MTMR8: variants seen among roughly 807,000 people sequenced by gnomAD.
MTMR8 encodes phosphatidylinositol-3,5-bisphosphate 3-phosphatase MTMR8.
Under a neutral mutation model 39.3 loss-of-function variants are expected in MTMR8, and 65 were observed. That is an observed-to-expected ratio of 1.65 (90% confidence interval 1.35 to 2.03). MTMR8 has a LOEUF of 2.03. Among genes scored for constraint, MTMR8 ranks in the 30% most tolerant of loss-of-function variants. The pLI, the probability that MTMR8 is intolerant of heterozygous loss-of-function variation, is 0.00. For synonymous variants in MTMR8, 245 were observed against 185.2 expected (o/e 1.32, Z -2.62); for missense variants, 777 against 538.9 (o/e 1.44, Z -4.37).
At chrX:64,282,200 C>T in intron 12 of MTMR8, among the ~76,000 whole-genome samples, 1 of 111,400 alleles carries the variant, frequency 9.0e-6, no homozygotes, top group Non-Finnish European at 1.9e-5. Context: ...TACCATTTGA[C>T]CCAGCAATGC....
At chrX:64,303,338 C>T (rs979774853) in intron 12 of MTMR8, among the ~76,000 whole-genome samples, 6 of 111,939 alleles carry the variant, frequency 5.4e-5, no homozygotes, top group African/African-American at 1.9e-4. Flanking sequence ...ATTTCATAAG[C>T]TAGTTTTCTG....
In MTMR8 at chrX:64,268,876, T is replaced by C; in HGVS notation, c.1776A>G (p.Gly592=). 2.5e-6 allele frequency: 3 copies of C among 1,211,742 alleles called. No individual in the cohort carries two copies. Among genetic ancestry groups the C allele is most frequent in the Non-Finnish European group, 3.4e-6 (3 of 895,506 alleles). The stretch of plus-strand genomic sequence containing the variant: ...CTTGATCCATCTGAGCTCGGAGGCC[T>C]CCTTCCCTGGATAGGGTGCCATTCT... ...LMENGTLSRE[G]GLRAQMDQVK... The change falls in exon 14 of 14, where the codon GGA becomes GGG. Residue 592 remains glycine, a synonymous_variant. Coordinates refer to ENST00000374852, the MANE Select transcript of MTMR8 (RefSeq NM_017677.4).
intron 1 of MTMR8, among the ~76,000 whole-genome samples, chrX:64,389,598 T>C (rs1247285997): frequency 9.0e-6 from 1 of 111,531 alleles, no homozygotes; most frequent in Non-Finnish European, 1.9e-5. Context: ...CTAGGTAGCC[T>C]CTTTCCTTGC....
At chrX:64,275,697 GA>G (rs1271390033) in intron 12 of MTMR8, among the ~76,000 whole-genome samples, 30 of 106,592 alleles carry the variant, frequency 2.8e-4, no homozygotes, top group Non-Finnish European at 1.4e-4. Flanking sequence ...TTATTTTTTG[GA>G]AAAAAATATT....
At chrX:64,274,650 A>T (rs1474956402) in intron 12 of MTMR8, among the ~76,000 whole-genome samples, 1 of 112,214 alleles carries the variant, frequency 8.9e-6, no homozygotes, top group Non-Finnish European at 1.9e-5. Context: ...TATGGACTCA[A>T]CCTAAGAGTC....
chrX:64,284,442 G>C (rs998472651), intron 12 of MTMR8, among the ~76,000 whole-genome samples: 5 of 111,731 alleles, frequency 4.5e-5, no homozygotes, highest in African/African-American at 1.6e-4. Flanking sequence ...TAGCAAGGCA[G>C]GCCAACATTC....
At chrX:64,297,346 T>A (rs1299202802) in intron 12 of MTMR8, among the ~76,000 whole-genome samples, 2 of 109,386 alleles carry the variant, frequency 1.8e-5, no homozygotes, top group African/African-American at 6.7e-5. Context: ...GATGAGCATT[T>A]TTTCATGTGT....
intron 12 of MTMR8, among the ~76,000 whole-genome samples, chrX:64,276,832 C>A (rs1293812441): frequency 9.0e-6 from 1 of 111,571 alleles, no homozygotes; most frequent in African/African-American, 3.3e-5. Flanking sequence ...TCTCATTGAT[C>A]TAATATTGAC....
At chrX:64,277,893 T>C (rs909008421) in intron 12 of MTMR8, among the ~76,000 whole-genome samples, 3 of 110,864 alleles carry the variant, frequency 2.7e-5, no homozygotes, top group Admixed American at 9.7e-5. Flanking sequence ...TCCTTTCACA[T>C]AGTCCCATAT....
intron 12 of MTMR8, among the ~76,000 whole-genome samples, chrX:64,301,941 G>A (rs1021512791): frequency 7.1e-5 from 8 of 112,030 alleles, no homozygotes; most frequent in African/African-American, 1.3e-4. Context: ...CTCCAGCTGC[G>A]TGCTGGGAGA....
intron 1 of MTMR8, among the ~76,000 whole-genome samples, chrX:64,362,431 TCAACAA>T (rs1306914541): frequency 4.4e-5 from 1 of 22,508 alleles, no homozygotes; most frequent in African/African-American, 1.5e-4. Flanking sequence ...GGGAAAAAAA[TCAACAA>T]CAACAACAAC....
At chrX:64,270,582 A>G (rs1395448401) in intron 13 of MTMR8, among the ~76,000 whole-genome samples, 1 of 112,411 alleles carries the variant, frequency 8.9e-6, no homozygotes, top group African/African-American at 3.2e-5. Context: ...CTAATTGGAA[A>G]ACAGCAATTG....
chrX:64,274,062 C>A (rs1250996033), intron 12 of MTMR8, among the ~76,000 whole-genome samples: 1 of 111,142 alleles, frequency 9.0e-6, no homozygotes, highest in Non-Finnish European at 1.9e-5. Flanking sequence ...AGAGGAAAAT[C>A]AAAAAACAAA....
intron 12 of MTMR8, among the ~76,000 whole-genome samples, chrX:64,278,611 C>T (rs1259809140): frequency 9.3e-6 from 1 of 107,112 alleles, no homozygotes; most frequent in Non-Finnish European, 1.9e-5. Flanking sequence ...GGAGCTGGGA[C>T]TACAGGTGGG....
At chrX:64,321,785 A>G (rs1197270939) in intron 12 of MTMR8, among the ~76,000 whole-genome samples, 1 of 112,205 alleles carries the variant, frequency 8.9e-6, no homozygotes, top group Non-Finnish European at 1.9e-5. Context: ...ATATAGTATT[A>G]CCTGTGGGTT....
chrX:64,353,793 T>G (rs2143485), intron 4 of MTMR8, among the ~76,000 whole-genome samples: 25,975 of 109,069 alleles, frequency 0.24, 7,554 homozygotes, highest in African/African-American at 0.82. Flanking sequence ...CAGGCATGGG[T>G]GTGGGTGCTT....
At chrX:64,384,993 C>A (rs148169471) in intron 1 of MTMR8, among the ~76,000 whole-genome samples, 1,200 of 112,118 alleles carry the variant, frequency 0.011, 49 homozygotes, top group Admixed American at 0.099. Context: ...ATTTTTATAC[C>A]CTGAAATATA....
chrX:64,383,674 C>G (rs762446608), intron 1 of MTMR8, among the ~76,000 whole-genome samples: 13 of 109,893 alleles, frequency 1.2e-4, no homozygotes, highest in African/African-American at 2.0e-4. Context: ...TTCATGAGAA[C>G]TCACACAATA....
At chrX:64,284,385 G>T (rs747268283) in intron 12 of MTMR8, among the ~76,000 whole-genome samples, 2 of 112,313 alleles carry the variant, frequency 1.8e-5, no homozygotes, top group South Asian at 7.4e-4. Flanking sequence ...ATGGAACCAA[G>T]TTGGAAAACA....
Sources: allele counts gnomAD v4.1 joint callset (sites outside exome capture counted in the v4.1 genomes callset), GRCh38; gene constraint gnomAD v4.1.1; transcripts MANE v1.5; gene names NCBI Gene and HGNC (gene_info 2026-07-23, HGNC 2026-07-21).